Variants in KALRN observed in about 807,000 individuals in gnomAD.
The protein encoded by KALRN is kalirin RhoGEF kinase.
A neutral mutation model predicts 353.7 loss-of-function variants in KALRN; 70 were observed. That is an observed-to-expected ratio of 0.20 (90% CI 0.16 to 0.24). KALRN has a LOEUF of 0.24. Among genes scored for constraint, KALRN ranks in the 10% least tolerant of loss-of-function variants. KALRN has a pLI of 1.00. For missense variants in KALRN, 2,791 were observed against 3,756.7 expected (o/e 0.74, Z 6.72); for synonymous variants, 1,391 against 1,434.8 (o/e 0.97, Z 0.69).
At chr3:124,652,733 G>A (rs942475338) in intron 38 of KALRN, among the ~76,000 whole-genome samples, 4 of 152,022 alleles carry the variant, frequency 2.6e-5, no homozygotes, top group Admixed American at 6.5e-5. Flanking sequence ...ACCCGCCACC[G>A]CATCTGGCTA....
chr3:124,356,178 C>T (rs1258210510), intron 10 of KALRN, among the ~76,000 whole-genome samples: 1 of 152,032 alleles, frequency 6.6e-6, no homozygotes, highest in African/African-American at 2.4e-5. Flanking sequence ...TCCCCTCGAC[C>T]CCTGCCATTG....
In KALRN at chr3:124,424,662, C is replaced by T. The variant is rs2092938828; in HGVS notation, c.2709+1684C>T. ...TGACACTGGGATTACACCTGAGTCTCCAGAGAGACATGTTATTTATAAGGA... is the reference window on the plus strand; with the variant it reads ...TGACACTGGGATTACACCTGAGTCTTCAGAGAGACATGTTATTTATAAGGA... On this transcript the variant is annotated intron_variant, in intron 15 of 59. Transcript: ENST00000682506. Among the ~76,000 whole-genome samples the T allele has an allele frequency of 2.0e-5, 3 of 152,022 alleles. No individual in the cohort carries two copies. The South Asian group carries it at 6.2e-4, about 32-fold the overall frequency.
chr3:124,471,860 G>A lies in KALRN; in HGVS notation c.4032-2803G>A, dbSNP rs994982782. 2.0e-5 allele frequency among the ~76,000 whole-genome samples: 3 copies of A among 151,654 alleles called. No homozygotes were observed. In the South Asian group the frequency reaches 6.3e-4, roughly 32 times the overall value. ...CGGGCGCTTGCAGTCCCAGCTACTCGGGAGGCTGAGGCAGGAGAATGGCGT... is the reference window on the plus strand; with the variant it reads ...CGGGCGCTTGCAGTCCCAGCTACTCAGGAGGCTGAGGCAGGAGAATGGCGT... On this transcript the variant is annotated intron_variant, in intron 25 of 59. Coordinates refer to ENST00000682506, the MANE Select transcript of KALRN (RefSeq NM_001388419.1).
chr3:124,441,393 G>A (rs1419389654), intron 18 of KALRN, among the ~76,000 whole-genome samples: 1 of 152,190 alleles, frequency 6.6e-6, no homozygotes, highest in Non-Finnish European at 1.5e-5. Context: ...GAGACACAAG[G>A]AGTAATTCTT....
At chr3:124,706,858 C>A (rs2062643238) in intron 57 of KALRN, among the ~76,000 whole-genome samples, 1 of 152,010 alleles carries the variant, frequency 6.6e-6, no homozygotes, top group Non-Finnish European at 1.5e-5. Flanking sequence ...GTGTGAGCCA[C>A]CGTGCCCTGC....
intron 13 of KALRN, among the ~76,000 whole-genome samples, chr3:124,400,424 A>G (rs1354411100): frequency 6.6e-6 from 1 of 152,250 alleles, no homozygotes; most frequent in African/African-American, 2.4e-5. Context: ...ACAAAGGAGA[A>G]GTTAAGCCTT....
At chr3:124,548,508 T>G (rs2070009901) in intron 33 of KALRN, among the ~76,000 whole-genome samples, 2 of 152,226 alleles carry the variant, frequency 1.3e-5, no homozygotes, top group Admixed American at 6.5e-5. Context: ...GAACCCTCTC[T>G]GCTCAGCACC....
intron 51 of KALRN, among the ~76,000 whole-genome samples, chr3:124,680,722 C>T (rs1447293685): frequency 2.6e-5 from 4 of 152,256 alleles, no homozygotes; most frequent in South Asian, 4.2e-4. Context: ...GAATCAGGCC[C>T]GAGGCAATCG....
At chr3:124,711,181 TA>T (rs148353367) in intron 57 of KALRN, among the ~76,000 whole-genome samples, 20,407 of 151,974 alleles carry the variant, frequency 0.13, 1,537 homozygotes, top group African/African-American at 0.2. Flanking sequence ...ATTAGTACAT[TA>T]TTTTTTTAAA....
intron 53 of KALRN, among the ~76,000 whole-genome samples, 176 bp from the exon 54 acceptor site, chr3:124,695,958 A>G (rs1002279752): frequency 6.6e-6 from 1 of 152,080 alleles, no homozygotes; most frequent in Admixed American, 6.5e-5. Context: ...ATTTTTTTCC[A>G]TATAAGGAAC....
intron 1 of KALRN, among the ~76,000 whole-genome samples, chr3:124,111,227 G>A (rs1306180835): frequency 1.3e-5 from 2 of 152,148 alleles, no homozygotes; most frequent in East Asian, 3.9e-4. Context: ...ATAGTCCCAA[G>A]ATGGCTGCCG....
At chr3:124,038,226 G>A (rs1472923699) in intron 1 of KALRN, among the ~76,000 whole-genome samples, 3 of 152,150 alleles carry the variant, frequency 2.0e-5, no homozygotes, top group Non-Finnish European at 4.4e-5. Context: ...CAGACAGGTT[G>A]AGCAGGAGGA....
chr3:124,685,032 C>T (rs1049698417), intron 51 of KALRN, among the ~76,000 whole-genome samples: 2 of 152,190 alleles, frequency 1.3e-5, no homozygotes, highest in Non-Finnish European at 2.9e-5. Flanking sequence ...GAAACTTTTA[C>T]ACCCCCAGCC....
At chr3:124,591,555 C>T (rs938550286) in intron 34 of KALRN, among the ~76,000 whole-genome samples, 1 of 152,160 alleles carries the variant, frequency 6.6e-6, no homozygotes, top group Non-Finnish European at 1.5e-5. Context: ...GCATGCCAGC[C>T]CTGTGCTAGG....
At chr3:124,272,156 C>T (rs895138526) in intron 5 of KALRN, among the ~76,000 whole-genome samples, 1 of 152,034 alleles carries the variant, frequency 6.6e-6, no homozygotes, top group Non-Finnish European at 1.5e-5. Flanking sequence ...CTAAATTAAA[C>T]GTTAAAAATA....
chr3:124,475,268 G>C (rs1020443625), intron 26 of KALRN, among the ~76,000 whole-genome samples: 1 of 152,164 alleles, frequency 6.6e-6, no homozygotes, highest in Non-Finnish European at 1.5e-5. Flanking sequence ...GGGAAAAACA[G>C]ATTTTTTGGG....
chr3:124,396,393 T>C (rs764776147), intron 12 of KALRN, among the ~76,000 whole-genome samples: 13 of 152,232 alleles, frequency 8.5e-5, no homozygotes, highest in Non-Finnish European at 1.5e-4. Context: ...AATCCTCCTA[T>C]TGCATGCTAA....
At chr3:124,215,670 C>T (rs923993299) in intron 1 of KALRN, among the ~76,000 whole-genome samples, 5 of 152,160 alleles carry the variant, frequency 3.3e-5, no homozygotes, top group African/African-American at 1.2e-4. Context: ...TAAGGGCACA[C>T]AGCTAATAAA....
At chr3:124,597,786 AT>A (rs756176811) in intron 34 of KALRN, among the ~76,000 whole-genome samples, 2 of 138,360 alleles carry the variant, frequency 1.4e-5, no homozygotes, top group Admixed American at 1.5e-4. Context: ...GAAATATGAG[AT>A]TAAAAAAAAA....
Sources: allele counts gnomAD v4.1 joint callset (sites outside exome capture counted in the v4.1 genomes callset), GRCh38; gene constraint gnomAD v4.1.1; transcripts MANE v1.5; gene names NCBI Gene and HGNC (gene_info 2026-07-23, HGNC 2026-07-21).